ERG: variants seen among roughly 807,000 people sequenced by gnomAD.
ERG encodes ETS transcription factor ERG.
In ERG, 9 loss-of-function variants were observed where a neutral mutation model predicts 55.3. The ratio of observed to expected loss-of-function variants is 0.16; its 90% CI spans 0.10 to 0.28. The LOEUF (loss-of-function observed/expected upper bound fraction) is 0.28. ERG is among the 10% of genes least tolerant of loss of function. The pLI, the probability that ERG is intolerant of heterozygous loss-of-function variation, is 1.00. For synonymous variants in ERG, 223 were observed against 237.3 expected (o/e 0.94, Z 0.55); for missense variants, 434 against 631.6 (o/e 0.69, Z 3.35).
intron 9 of ERG, among the ~76,000 whole-genome samples, chr21:38,390,597 G>GC: frequency 6.6e-6 from 1 of 152,280 alleles, no homozygotes; most frequent in Admixed American, 6.5e-5. Flanking sequence ...GGAGATGATG[G>GC]CTATCTGTAA....
At chr21:38,508,286 T>C (rs1313206171) in intron 2 of ERG, among the ~76,000 whole-genome samples, 2 of 152,108 alleles carry the variant, frequency 1.3e-5, no homozygotes, top group Admixed American at 6.5e-5. Context: ...GATTGAGTCA[T>C]TGGGCAGTGA....
At chr21:38,503,618 C>T (rs1054150966) in intron 2 of ERG, among the ~76,000 whole-genome samples, 4 of 152,092 alleles carry the variant, frequency 2.6e-5, no homozygotes, top group African/African-American at 9.7e-5. Flanking sequence ...ACCCATGAAA[C>T]GCAGGTTTTT....
intron 1 of ERG, among the ~76,000 whole-genome samples, chr21:38,647,329 C>T (rs142598461): frequency 1.6e-4 from 25 of 152,308 alleles, no homozygotes; most frequent in African/African-American, 5.8e-4. Flanking sequence ...AAACAGAATA[C>T]TTTGCAAAGT....
rs115083631 is a variant in ERG, at chr21:38,618,206, G to A, written c.-149-33261C>T. Reference sequence around the variant, plus strand: ...CAGTGAGAAGTTGACAGCCAAGCAAGGAGCAAGACCATCCTGTTAAGAGGC... The same window carrying A: ...CAGTGAGAAGTTGACAGCCAAGCAAAGAGCAAGACCATCCTGTTAAGAGGC... On this transcript the variant is annotated intron_variant, in intron 1 of 10. Coordinates refer to the ERG transcript ENST00000398910. Among the ~76,000 whole-genome samples the A allele has an allele frequency of 5.0e-3, 761 of 152,298 alleles. 6 individuals are homozygous for A. The highest frequency in any genetic ancestry group is 0.017 in the African/African-American group (726 of 41,564).
chr21:38,445,157 T>G (rs1406118616), intron 2 of ERG, among the ~76,000 whole-genome samples: 8 of 139,738 alleles, frequency 5.7e-5, no homozygotes, highest in African/African-American at 2.0e-4. Context: ...TTTTTTTTTT[T>G]GTTAGCCAGA....
At chr21:38,579,673 G>A (rs1197720759) in intron 1 of ERG, among the ~76,000 whole-genome samples, 1 of 152,114 alleles carries the variant, frequency 6.6e-6, no homozygotes, top group East Asian at 1.9e-4. Flanking sequence ...CCACCAGAGT[G>A]ATCACACACC....
intron 1 of ERG, among the ~76,000 whole-genome samples, chr21:38,655,224 C>A (rs915439077): frequency 6.6e-6 from 1 of 152,044 alleles, no homozygotes; most frequent in Non-Finnish European, 1.5e-5. Flanking sequence ...CCACAGTCAC[C>A]CCCTCTTCCT....
chr21:38,383,885 G>C lies in ERG; in HGVS notation c.958C>G (p.Leu320Val). The C allele has an allele frequency of 6.2e-7, 1 of 1,613,926 alleles. No individual in the cohort carries two copies. The highest frequency in any genetic ancestry group is 1.3e-5 in the African/African-American group (1 of 75,056). The change falls in exon 10 of 10, where the codon CTC becomes GTC. Residue 320 changes from leucine (L) to valine (V), a missense_variant. Leu to Val is a conservative substitution (Grantham distance 32, BLOSUM62 1). Around this residue, in one of 5 missense-constraint regions of ERG, gnomAD observed 99 missense variants for 145.6 expected, o/e 0.68. Transcript: ENST00000288319. This position sits in a 1 kb window ranked among gnomAD's most constrained non-coding sequence, Gnocchi z 5.7. ...QIQLWQFLLELLSDSSNSSCI... is the reference protein window; with the variant it reads ...QIQLWQFLLEVLSDSSNSSCI... ...CTGGAGTTGGAGCTGTCCGACAGGA[G>C]CTCCAGGAGGAACTGCCAAAGCTGG...
chr21:38,440,972 T>C (rs1000965866), intron 2 of ERG, among the ~76,000 whole-genome samples: 1 of 152,104 alleles, frequency 6.6e-6, no homozygotes, highest in African/African-American at 2.4e-5. Context: ...CGTTGGATTG[T>C]TAATAGCAGA....
chr21:38,528,433 C>CTTT (rs869069278), intron 2 of ERG, among the ~76,000 whole-genome samples: 521 of 23,498 alleles, frequency 0.022, 200 homozygotes, highest in East Asian at 0.049. Context: ...CCATAGCAAA[C>CTTT]TTTTTTTTTT....
intron 2 of ERG, among the ~76,000 whole-genome samples, chr21:38,542,327 C>T (rs2059759207): frequency 6.6e-6 from 1 of 152,172 alleles, no homozygotes; most frequent in East Asian, 1.9e-4. Flanking sequence ...ATAAATCCAT[C>T]AAGATGTCCT....
chr21:38,393,469 T>C (rs1988069771), intron 6 of ERG, among the ~76,000 whole-genome samples: 1 of 152,226 alleles, frequency 6.6e-6, no homozygotes, highest in Non-Finnish European at 1.5e-5. Context: ...CATGTGTCAT[T>C]CTGGGCCAAG....
chr21:38,595,045 C>T lies in ERG; in HGVS notation c.-149-10100G>A, dbSNP rs1275414694. Among the ~76,000 whole-genome samples the T allele has an allele frequency of 2.0e-5, 3 of 152,086 alleles. No individual in the cohort carries two copies. The East Asian group carries it at 5.8e-4, about 29-fold the overall frequency. On this transcript the variant is annotated intron_variant, in intron 1 of 10. Coordinates refer to the ERG transcript ENST00000398910. Reference sequence around the variant, plus strand: ...CAGAAAAATGAAGAAGCAGGAGAGCCCGAGGCAAGAGGGAAATGGCAGGCA... The same window carrying T: ...CAGAAAAATGAAGAAGCAGGAGAGCTCGAGGCAAGAGGGAAATGGCAGGCA...
chr21:38,513,907 G>C (rs2090613759), intron 2 of ERG, among the ~76,000 whole-genome samples: 1 of 151,962 alleles, frequency 6.6e-6, no homozygotes, highest in African/African-American at 2.4e-5. Flanking sequence ...AGAGAAAAGA[G>C]GGAAGGTTAA....
chr21:38,407,815 T>C (rs1017666837), intron 3 of ERG, among the ~76,000 whole-genome samples: 32 of 147,220 alleles, frequency 2.2e-4, no homozygotes, highest in Non-Finnish European at 4.2e-4. Flanking sequence ...AAGCATTTTA[T>C]AAAAAGTATA....
chr21:38,464,520 A>G (rs1369343815), intron 1 of ERG, among the ~76,000 whole-genome samples: 2 of 152,104 alleles, frequency 1.3e-5, no homozygotes, highest in East Asian at 3.9e-4. Context: ...ATATCGACGA[A>G]TTCTTTGAAG....
chr21:38,395,662 AT>A (rs1183657543), intron 6 of ERG: 1 of 176,646 alleles, frequency 5.7e-6, no homozygotes, highest in East Asian at 9.6e-5. Context: ...TCACAACAGT[AT>A]AAAAAACAGC....
intron 1 of ERG, among the ~76,000 whole-genome samples, chr21:38,600,094 C>A (rs1222493518): frequency 6.6e-6 from 1 of 152,198 alleles, no homozygotes; most frequent in African/African-American, 2.4e-5. Flanking sequence ...AGGAAGTTTA[C>A]AAGAGCGAGC....
intron 2 of ERG, among the ~76,000 whole-genome samples, chr21:38,520,030 C>T (rs2059582693): frequency 1.3e-5 from 1 of 74,870 alleles, no homozygotes; most frequent in Non-Finnish European, 2.5e-5. Flanking sequence ...TACACACACA[C>T]ACAACAAAAA....
Sources: gnomAD v4.1 joint callset for allele counts (sites outside exome capture counted in the v4.1 genomes callset) on GRCh38, gnomAD v4.1.1 for gene constraint, gnomAD v4.1.1 regional missense constraint, Gnocchi (gnomAD v3.1) non-coding constraint, MANE v1.5 for transcripts, NCBI Gene and HGNC (gene_info 2026-07-23, HGNC 2026-07-21) for gene names.